Variants in NNMT observed in about 807,000 individuals in gnomAD.
NNMT encodes the protein nicotinamide N-methyltransferase.
Under a neutral mutation model 11.7 loss-of-function variants are expected in NNMT, and 10 were observed. The ratio of observed to expected loss-of-function variants is 0.85; its 90% CI spans 0.53 to 1.45. The LOEUF is 1.45. Among genes scored for constraint, NNMT ranks in the 40% most tolerant of loss-of-function variants. The pLI is 0.00. For synonymous variants in NNMT, 143 were observed against 133.8 expected (o/e 1.07, Z -0.48); for missense variants, 381 against 319.4 (o/e 1.19, Z -1.47).
At chr11:114,293,584 C>T (rs1248215510), upstream of NNMT, among the ~76,000 whole-genome samples, 2 of 143,046 alleles carry the variant, frequency 1.4e-5, no homozygotes, top group Non-Finnish European at 1.5e-5. Context: ...TTCTCAACTA[C>T]GAGATATGAT....
chr11:114,297,590 A>T (rs1214108154), intron 1 of NNMT, among the ~76,000 whole-genome samples: 1 of 149,726 alleles, frequency 6.7e-6, no homozygotes, highest in Non-Finnish European at 1.5e-5. Context: ...GACTCAAGGG[A>T]TCCTTCTGCC....
chr11:114,302,417 G>A (rs1945447284), intron 2 of NNMT, among the ~76,000 whole-genome samples: 1 of 152,142 alleles, frequency 6.6e-6, no homozygotes, highest in Admixed American at 6.5e-5. Context: ...ATTGTCTCAT[G>A]AAGGATGTAA....
chr11:114,286,239 C>T (rs1283181139), intron 2 of NNMT, among the ~76,000 whole-genome samples: 2 of 152,172 alleles, frequency 1.3e-5, no homozygotes, highest in East Asian at 1.9e-4. Flanking sequence ...TCGAGGGACT[C>T]TGCGTCTGGA....
chr11:114,280,110 C>T (rs576045387), intron 2 of NNMT, among the ~76,000 whole-genome samples: 55 of 152,152 alleles, frequency 3.6e-4, no homozygotes, highest in Middle Eastern at 3.4e-3. Context: ...CATTCTGAGG[C>T]CATGGAGAAT....
At chr11:114,278,613 TGTG>T (rs1945234128) in intron 2 of NNMT, among the ~76,000 whole-genome samples, 1 of 63,200 alleles carries the variant, frequency 1.6e-5, no homozygotes, top group Non-Finnish European at 3.0e-5. Flanking sequence ...CTAATACTCA[TGTG>T]TGTGTGTGTG....
chr11:114,290,123 G>T (rs1945325006), intron 2 of NNMT, among the ~76,000 whole-genome samples: 1 of 152,162 alleles, frequency 6.6e-6, no homozygotes, highest in Admixed American at 6.5e-5. Context: ...TGAGCGTTAG[G>T]ATTTTAACAT....
At chr11:114,308,956 A>G (rs1331953316) in intron 2 of NNMT, among the ~76,000 whole-genome samples, 1 of 152,184 alleles carries the variant, frequency 6.6e-6, no homozygotes, top group Non-Finnish European at 1.5e-5. Context: ...AACAATTTGC[A>G]TCATCATCTG....
chr11:114,312,086 T>A lies in NNMT; in HGVS notation c.404T>A (p.Val135Asp), dbSNP rs763861107. 9 of 1,597,092 alleles carry A rather than the reference T, an allele frequency of 5.6e-6. No homozygotes were observed. Among genetic ancestry groups the A allele is most frequent in the Non-Finnish European group, 6.8e-6 (8 of 1,168,662 alleles). ...AAGGAGGAGAAGTTGAGACAGGCGG[T>A]CAAGCAGGTGCTGAAGTGTGATGTG... The part of the protein sequence containing the change: ...PEKEEKLRQA[V>D]KQVLKCDVTQ... The change falls in exon 3 of 3, where the codon GTC becomes GAC. Residue 135 changes from valine (V) to aspartate (D), a missense_variant. Transcript: ENST00000299964.
intron 2 of NNMT, among the ~76,000 whole-genome samples, chr11:114,309,889 T>G (rs1192021099): frequency 6.6e-6 from 1 of 152,162 alleles, no homozygotes; most frequent in Non-Finnish European, 1.5e-5. Context: ...TATGTGGCCT[T>G]TTGGTTCTGG....
upstream of NNMT, among the ~76,000 whole-genome samples, chr11:114,295,525 T>C (rs999535699): frequency 5.5e-5 from 8 of 145,110 alleles, no homozygotes; most frequent in Non-Finnish European, 1.1e-4. Context: ...CCCGGGTTCA[T>C]GCCATTCTCC....
upstream of NNMT, chr11:114,295,925 G>A (rs1945372289): frequency 6.6e-6 from 1 of 152,138 alleles, no homozygotes; most frequent in Non-Finnish European, 1.5e-5. Context: ...GGGATGTTTG[G>A]CTGGACTAGA....
upstream of NNMT, among the ~76,000 whole-genome samples, chr11:114,294,477 C>CAAAAA (rs60331768): frequency 1.3e-4 from 16 of 123,404 alleles, no homozygotes; most frequent in African/African-American, 4.7e-4. Flanking sequence ...GACTCCACAT[C>CAAAAA]AAAAAAAAAA....
At chr11:114,271,585 C>T (rs769543410) in intron 2 of NNMT, among the ~76,000 whole-genome samples, 1 of 152,158 alleles carries the variant, frequency 6.6e-6, no homozygotes, top group Non-Finnish European at 1.5e-5. Context: ...TTTTTAGCCT[C>T]AAGCCAAGCA....
At chr11:114,284,279 G>C (rs1208763577) in intron 2 of NNMT, among the ~76,000 whole-genome samples, 1 of 152,154 alleles carries the variant, frequency 6.6e-6, no homozygotes, top group Non-Finnish European at 1.5e-5. Flanking sequence ...TCTGCCAAAG[G>C]CCCTATCACC....
intron 2 of NNMT, among the ~76,000 whole-genome samples, chr11:114,289,444 A>G (rs1218695460): frequency 6.6e-6 from 1 of 152,066 alleles, no homozygotes; most frequent in Non-Finnish European, 1.5e-5. Flanking sequence ...TAACTTCCTC[A>G]GCTCATTAAC....
chr11:114,296,439 T>C lies in NNMT; in HGVS notation c.-118T>C, dbSNP rs979741104. Reference sequence around the variant, plus strand: ...ATCTGTTCTAAAAGAAGGGCTGAACTGATGGAAGGAATGCTGTTAGCCTGA... The same window carrying C: ...ATCTGTTCTAAAAGAAGGGCTGAACCGATGGAAGGAATGCTGTTAGCCTGA... On this transcript the variant is annotated 5_prime_UTR_variant, in exon 1 of 3. Coordinates refer to ENST00000299964, the MANE Select transcript of NNMT (RefSeq NM_006169.3). 27 of 996,868 alleles carry C rather than the reference T, an allele frequency of 2.7e-5. No homozygotes were observed. The Middle Eastern group carries it at 6.7e-4, about 25-fold the overall frequency. 61.8% of individuals were successfully genotyped at this position (996,868 alleles called of 1,614,324 possible). A position where few individuals can be genotyped will look rare whatever the true frequency, so the allele number is the denominator to read the frequency against.
intron 2 of NNMT, among the ~76,000 whole-genome samples, chr11:114,300,740 C>G (rs1565727212): frequency 6.6e-6 from 1 of 152,156 alleles, no homozygotes; most frequent in Admixed American, 6.5e-5. Flanking sequence ...GTTATGTCTT[C>G]TTGATGAACT....
chr11:114,312,019 A>G (rs779919369), intron 2 of NNMT, 26 bp from the exon 3 acceptor site: 5 of 1,528,462 alleles, frequency 3.3e-6, no homozygotes, highest in Non-Finnish European at 4.4e-6. Context: ...AGTGGAAAAC[A>G]ATGTCTGTGG....
intron 2 of NNMT, among the ~76,000 whole-genome samples, chr11:114,274,822 T>C (rs1422767056): frequency 6.6e-6 from 1 of 152,196 alleles, no homozygotes; most frequent in African/African-American, 2.4e-5. Flanking sequence ...GACTGGTCAG[T>C]GTTCCTGTTG....
Sources: allele counts gnomAD v4.1 joint callset (sites outside exome capture counted in the v4.1 genomes callset), GRCh38; gene constraint gnomAD v4.1.1; transcripts MANE v1.5; gene names NCBI Gene and HGNC (gene_info 2026-07-23, HGNC 2026-07-21).